HTR5A: variants seen among roughly 807,000 people sequenced by gnomAD.
HTR5A encodes the protein 5-HT-5.
HTR5A carries 21 observed loss-of-function variants against 24.3 expected under a neutral mutation model. The observed-to-expected ratio is 0.86, with a 90% CI of 0.61 to 1.24. The LOEUF (loss-of-function observed/expected upper bound fraction) is 1.24, where lower values mean the gene tolerates loss of function less well. Among genes scored for constraint, HTR5A ranks in the 50% most tolerant of loss-of-function variants. The pLI is 0.00. For synonymous variants in HTR5A, 260 were observed against 213.7 expected (o/e 1.22, Z -1.89); for missense variants, 497 against 489.5 (o/e 1.02, Z -0.15).
At chr7:155,073,043 A>C (rs930250122) in intron 1 of HTR5A, among the ~76,000 whole-genome samples, 5 of 152,170 alleles carry the variant, frequency 3.3e-5, no homozygotes, top group Admixed American at 1.3e-4. Context: ...ATTGAGGGCC[A>C]GGTGCGGTGG....
Position 155,071,293 on chromosome 7 carries a change from G to A in HTR5A, c.394G>A (p.Val132Met), listed in dbSNP as rs775005765. The stretch of plus-strand genomic sequence containing the variant: ...TTGCTGCACGGCCAGCATCTGGAAC[G>A]TGACGGCCATAGCCCTGGACCGCTA... ...VLCCTASIWN[V>M]TAIALDRYWS... Residue 132 changes from valine (V) to methionine (M), a missense_variant, in exon 1 of 2, where the codon GTG becomes ATG. Transcript: ENST00000287907. 6.2e-7 allele frequency: 1 copy of A among 1,609,538 alleles called. No individual in the cohort carries two copies. The highest frequency in any genetic ancestry group is 8.5e-7 in the Non-Finnish European group (1 of 1,179,866).
Position 155,070,805 on chromosome 7 carries a change from G to A in HTR5A, c.-95G>A, listed in dbSNP as rs1280300846. 1.5e-6 allele frequency: 2 copies of A among 1,315,988 alleles called. No homozygotes were observed. Among genetic ancestry groups the A allele is most frequent in the Non-Finnish European group, 1.0e-6 (1 of 961,528 alleles). 81.5% of individuals were successfully genotyped at this position (1,315,988 alleles called of 1,614,324 possible). A position where few individuals can be genotyped will look rare whatever the true frequency, so the allele number is the denominator to read the frequency against. On this transcript the variant is annotated 5_prime_UTR_variant, in exon 1 of 2. Coordinates refer to ENST00000287907, the MANE Select transcript of HTR5A (RefSeq NM_024012.4). ...GAAACTCCCCCACTGGCCAGAGGTT[G>A]CAAACATCCGGATTGGCTCTGGGCA...
chr7:155,084,623 G>A lies in HTR5A; in HGVS notation c.*136G>A. On this transcript the variant is annotated 3_prime_UTR_variant, in exon 2 of 2. Transcript: ENST00000287907. Reference sequence around the variant, plus strand: ...ATTCTCCAGGGTCATCTTCAGAACTGCACTGGCCTCTTTTCCACCTCCTCA... The same window carrying A: ...ATTCTCCAGGGTCATCTTCAGAACTACACTGGCCTCTTTTCCACCTCCTCA... 1.4e-6 allele frequency: 1 copy of A among 721,564 alleles called. No homozygotes were observed. The allele number at this position is 721,564 out of a possible 1,614,324, so 44.7% of individuals were successfully genotyped here.
At position 155,070,573 on chromosome 7, in the gene HTR5A, C is replaced by T. The variant is rs1323982031; in HGVS notation, c.-327C>T. 7.5e-6 allele frequency: 3 copies of T among 400,398 alleles called. No individual in the cohort carries two copies. Among genetic ancestry groups the T allele is most frequent in the African/African-American group, 2.0e-5 (1 of 48,946 alleles). The allele number at this position is 400,398 out of a possible 1,614,324, so 24.8% of individuals were successfully genotyped here. A position where few individuals can be genotyped will look rare whatever the true frequency, so the allele number is the denominator to read the frequency against. On this transcript the variant is annotated 5_prime_UTR_variant, in exon 1 of 2. Transcript: ENST00000287907. ...GCTTCTCCCCGATCTGGGAGATGCT[C>T]GGCTCTGGGCGGCCAAACAGCCTTT...
At position 155,084,345 on chromosome 7, in the gene HTR5A, G is replaced by A; in HGVS notation, c.932G>A (p.Cys311Tyr). The part of the protein sequence containing the change: ...FFLTELISPL[C>Y]SCDIPAIWKS... The stretch of plus-strand genomic sequence containing the variant: ...CTCACCGAGCTCATCAGTCCCCTCT[G>A]CTCCTGTGACATCCCCGCCATCTGG... Residue 311 changes from cysteine (C) to tyrosine (Y), a missense_variant, in exon 2 of 2, where the codon TGC (cysteine) becomes TAC (tyrosine). By Grantham distance (194) the Cys-to-Tyr change is radical. Coordinates refer to ENST00000287907, the MANE Select transcript of HTR5A (RefSeq NM_024012.4). 1 of 1,614,116 alleles carries A rather than the reference G, an allele frequency of 6.2e-7. No homozygotes were observed. The highest frequency in any genetic ancestry group is 2.2e-5 in the East Asian group (1 of 44,874).
chr7:155,071,678 C>T (rs1420037951), intron 1 of HTR5A, 38 bp downstream of exon 1: 1 of 1,600,074 alleles, frequency 6.2e-7, no homozygotes, highest in East Asian at 2.2e-5. Flanking sequence ...ACTCGACTTG[C>T]ATCTGTACAG....
chr7:155,073,269 C>T (rs984027255), intron 1 of HTR5A, among the ~76,000 whole-genome samples: 1 of 141,734 alleles, frequency 7.1e-6, no homozygotes, highest in Non-Finnish European at 1.5e-5. Flanking sequence ...GGCAGCTAGC[C>T]GAGATTGCGC....
At chr7:155,079,199 C>T (rs572140573) in intron 1 of HTR5A, among the ~76,000 whole-genome samples, 5 of 152,142 alleles carry the variant, frequency 3.3e-5, no homozygotes, top group African/African-American at 1.2e-4. Context: ...ATGATTTTCC[C>T]ACCTTGGCCT....
At chr7:155,072,767 A>C (rs1795311436) in intron 1 of HTR5A, among the ~76,000 whole-genome samples, 1 of 152,120 alleles carries the variant, frequency 6.6e-6, no homozygotes, top group Admixed American at 6.5e-5. Flanking sequence ...AGTGTGGTCT[A>C]GGGAGGGAAA....
chr7:155,079,804 G>A (rs1326417362), intron 1 of HTR5A, among the ~76,000 whole-genome samples: 3 of 152,124 alleles, frequency 2.0e-5, no homozygotes, highest in African/African-American at 7.2e-5. Context: ...CAGGGTCCTG[G>A]ACCAAACAGA....
chr7:155,081,198 T>G (rs1236255779), intron 1 of HTR5A, among the ~76,000 whole-genome samples: 1 of 152,106 alleles, frequency 6.6e-6, no homozygotes, highest in Non-Finnish European at 1.5e-5. Flanking sequence ...CTGACAGTGA[T>G]GTGGTCTAAC....
chr7:155,073,949 T>G (rs1822086), intron 1 of HTR5A, among the ~76,000 whole-genome samples: 1 of 141,528 alleles, frequency 7.1e-6, no homozygotes, highest in African/African-American at 2.7e-5. Flanking sequence ...CTCTCTACTT[T>G]TCCCAGATCA....
chr7:155,071,238 G>C lies in HTR5A; in HGVS notation c.339G>C (p.Leu113=), dbSNP rs1317024231. 15 of 1,604,644 alleles carry C rather than the reference G, an allele frequency of 9.3e-6. No homozygotes were observed. The highest frequency in any genetic ancestry group is 1.2e-5 in the Non-Finnish European group (14 of 1,179,922). ...GCCGCTGGCAGCTAGGTCGGAGGCT[G>C]TGCCAGCTTTGGATCGCGTGCGACG... ...SGRRWQLGRR[L]CQLWIACDVL... Residue 113 remains leucine (L), a synonymous_variant, in exon 1 of 2, where the codon CTG becomes CTC. Coordinates refer to ENST00000287907, the MANE Select transcript of HTR5A (RefSeq NM_024012.4).
Position 155,070,522 on chromosome 7 carries a change from T to G in HTR5A, c.-378T>G. The G allele has an allele frequency of 2.7e-6, 1 of 367,232 alleles. No homozygotes were observed. Among genetic ancestry groups the G allele is most frequent in the South Asian group, 2.2e-5 (1 of 45,760 alleles). 22.7% of individuals were successfully genotyped at this position (367,232 alleles called of 1,614,324 possible). A position where few individuals can be genotyped will look rare whatever the true frequency, so the allele number is the denominator to read the frequency against. On this transcript the variant is annotated 5_prime_UTR_variant, in exon 1 of 2. Transcript: ENST00000287907. Reference sequence around the variant, plus strand: ...TGCTCTGACGCACCAGCCCCTCTCCTGCACCCACACGCTGCTGGCCGCCCA... The same window carrying G: ...TGCTCTGACGCACCAGCCCCTCTCCGGCACCCACACGCTGCTGGCCGCCCA...
In HTR5A at chr7:155,084,566, C is replaced by A. The variant is rs1262301243; in HGVS notation, c.*79C>A. On this transcript the variant is annotated 3_prime_UTR_variant, in exon 2 of 2. Transcript: ENST00000287907. ...AGTTCATCCATTTCCCATCCCCACC[C>A]AACAGCCATGTGGACGGGATGAATC... The A allele has an allele frequency of 5.8e-6, 7 of 1,205,378 alleles. No homozygotes were observed. Among genetic ancestry groups the A allele is most frequent in the Non-Finnish European group, 7.1e-6 (6 of 847,806 alleles). 74.7% of individuals were successfully genotyped at this position (1,205,378 alleles called of 1,614,324 possible).
At chr7:155,077,080 C>T (rs1311007609) in intron 1 of HTR5A, 1 of 152,190 alleles carries the variant, frequency 6.6e-6, no homozygotes, top group Non-Finnish European at 1.5e-5. Flanking sequence ...GTTGTGGAGT[C>T]TCTTGTCCAT....
rs897615806 is a variant in HTR5A at position 155,086,273 on chromosome 7, G to A, written c.*1786G>A. 6.6e-6 allele frequency among the ~76,000 whole-genome samples: 1 copy of A among 152,194 alleles called. No homozygotes were observed. Among genetic ancestry groups the A allele is most frequent in the Non-Finnish European group, 1.5e-5 (1 of 68,034 alleles). On this transcript the variant is annotated 3_prime_UTR_variant, in exon 2 of 2. Transcript: ENST00000287907. Reference sequence around the variant, plus strand: ...AATTCAGACATGAGGAGTCTGGAGAGGTAACACTAGAATCAAGGGTAAACG... The same window carrying A: ...AATTCAGACATGAGGAGTCTGGAGAAGTAACACTAGAATCAAGGGTAAACG...
In HTR5A at chr7:155,071,033, C is replaced by G; in HGVS notation, c.134C>G (p.Thr45Ser). Residue 45 changes from threonine to serine, a missense_variant, in exon 1 of 2, where the codon ACC (threonine) becomes AGC (serine). Transcript: ENST00000287907. The part of the protein sequence containing the change: ...LLSVFGVLIL[T>S]LLGFLVAATF... Reference sequence around the variant, plus strand: ...TCGGTCTTCGGAGTGCTTATTCTCACCTTGCTGGGCTTTCTGGTGGCGGCG... The same window carrying G: ...TCGGTCTTCGGAGTGCTTATTCTCAGCTTGCTGGGCTTTCTGGTGGCGGCG... The G allele has an allele frequency of 1.2e-6, 2 of 1,611,346 alleles. No homozygotes were observed. Among genetic ancestry groups the G allele is most frequent in the Non-Finnish European group, 1.7e-6 (2 of 1,180,034 alleles).
intron 1 of HTR5A, among the ~76,000 whole-genome samples, chr7:155,073,877 G>GTGTATATATATGTA (rs1210393368): frequency 7.5e-4 from 6 of 8,008 alleles, no homozygotes; most frequent in African/African-American, 9.4e-4. Flanking sequence ...ATATATATAT[G>GTGTATATATATGTA]TATATATATA....
Sources: allele counts gnomAD v4.1 joint callset (sites outside exome capture counted in the v4.1 genomes callset), GRCh38; gene constraint gnomAD v4.1.1; transcripts MANE v1.5; gene names NCBI Gene and HGNC (gene_info 2026-07-23, HGNC 2026-07-21).